Variants in UBN2 observed in about 807,000 individuals in gnomAD.
UBN2 encodes ubinuclein 2.
Under a neutral mutation model 120.2 loss-of-function variants are expected in UBN2, and 35 were observed. The ratio of observed to expected loss-of-function variants is 0.29; its 90% CI spans 0.22 to 0.39. The LOEUF (loss-of-function observed/expected upper bound fraction) is 0.39. Ranked by LOEUF, UBN2 falls within the 10% of genes least tolerant of loss-of-function variation. The pLI, the probability that UBN2 is intolerant of heterozygous loss-of-function variation, is 1.00. For missense variants in UBN2, 1,693 were observed against 1,663.2 expected (o/e 1.02, Z -0.31); for synonymous variants, 661 against 648.7 (o/e 1.02, Z -0.29).
At chr7:139,286,439 C>T (rs1797790159) in intron 15 of UBN2, among the ~76,000 whole-genome samples, 1 of 152,138 alleles carries the variant, frequency 6.6e-6, no homozygotes, top group Non-Finnish European at 1.5e-5. Flanking sequence ...TGTATTCTGA[C>T]ACTTTCTCAG....
At chr7:139,233,809 A>C (rs2130921480) in intron 1 of UBN2, among the ~76,000 whole-genome samples, 1 of 152,260 alleles carries the variant, frequency 6.6e-6, no homozygotes, top group East Asian at 1.9e-4. Flanking sequence ...TTGACACCCT[A>C]GCTTTGTTAA....
chr7:139,232,148 C>A (rs1479306270), intron 1 of UBN2, among the ~76,000 whole-genome samples, 196 bp downstream of exon 1: 1 of 151,978 alleles, frequency 6.6e-6, no homozygotes, highest in Non-Finnish European at 1.5e-5. Flanking sequence ...GGCCGAGGCT[C>A]TCACCCGGCT....
rs766880788 is a variant in UBN2 at position 139,297,739 on chromosome 7, T to A, written c.3995-48T>A. On this transcript the variant is annotated intron_variant, in intron 17 of 17. Coordinates refer to ENST00000473989, the MANE Select transcript of UBN2 (RefSeq NM_173569.4). The stretch of plus-strand genomic sequence containing the variant: ...TTTTTGCTTTGTTTTTGTTAGCTGG[T>A]TTTTGTAACATATGGACCCATACCA... 8 of 1,577,702 alleles carry A rather than the reference T, an allele frequency of 5.1e-6. No individual in the cohort carries two copies. The African/African-American group carries it at 1.1e-4, about 21-fold the overall frequency.
chr7:139,235,981 C>A (rs926254484), intron 1 of UBN2, among the ~76,000 whole-genome samples: 2 of 152,128 alleles, frequency 1.3e-5, no homozygotes, highest in Non-Finnish European at 2.9e-5. Flanking sequence ...CTTCAGGGTC[C>A]ATTGAATCTG....
chr7:139,248,942 T>C (rs571233892), intron 2 of UBN2, among the ~76,000 whole-genome samples: 1 of 152,286 alleles, frequency 6.6e-6, no homozygotes, highest in African/African-American at 2.4e-5. Flanking sequence ...CAATCTATTA[T>C]GTATTTTGCA....
Position 139,231,676 on chromosome 7 carries a change from G to T in UBN2, c.192G>T (p.Gln64His). 1 of 1,185,680 alleles carries T rather than the reference G, an allele frequency of 8.4e-7. No homozygotes were observed. Among genetic ancestry groups the T allele is most frequent in the Non-Finnish European group, 1.0e-6 (1 of 961,170 alleles). 73.4% of individuals were successfully genotyped at this position (1,185,680 alleles called of 1,614,324 possible). Residue 64 changes from glutamine (Q) to histidine (H), a missense_variant, in exon 1 of 18, where the codon CAG (glutamine) becomes CAT (histidine). Gln to His is a conservative substitution (Grantham distance 24). Transcript: ENST00000473989. ...AGCCTGCCCCCCGCTCGGACGCGCA[G>T]CCCCCGTCGCGGGAGAAGCCGCTCC... is the stretch of plus-strand genomic sequence containing the variant. ...PREPAPRSDA[Q>H]PPSREKPLPQ...
At chr7:139,310,814 T>C (rs1798437810), downstream of UBN2, among the ~76,000 whole-genome samples, 1 of 152,200 alleles carries the variant, frequency 6.6e-6, no homozygotes, top group Non-Finnish European at 1.5e-5. Flanking sequence ...GTATACACTG[T>C]ATCTAGCATT....
In UBN2 at chr7:139,283,939, A is replaced by G. The variant is rs1797693397; in HGVS notation, c.3034A>G (p.Asn1012Asp). The change falls in exon 15 of 18, where the codon AAC becomes GAC. Residue 1012 changes from asparagine to aspartate, a missense_variant. Around this residue, in one of 5 missense-constraint regions of UBN2, gnomAD observed 837 missense variants for 817.6 expected, o/e 1.02. Transcript: ENST00000473989. Reference sequence around the variant, plus strand: ...AGTACCTAGCACCACTACCTCCAGTAACTATTTAGCCAAGGCTATGGTGTC... The same window carrying G: ...AGTACCTAGCACCACTACCTCCAGTGACTATTTAGCCAAGGCTATGGTGTC... ...RTVPSTTTSSNYLAKAMVSQI... is the reference protein window; with the variant it reads ...RTVPSTTTSSDYLAKAMVSQI... 1.9e-6 allele frequency: 3 copies of G among 1,613,998 alleles called. No homozygotes were observed. The highest frequency in any genetic ancestry group is 2.5e-6 in the Non-Finnish European group (3 of 1,179,998).
chr7:139,324,969 CA>C, the UBN2 span, among the ~76,000 whole-genome samples: 14 of 139,352 alleles, frequency 1.0e-4, no homozygotes, highest in South Asian at 2.2e-4. Context: ...GACTCCATCT[CA>C]AAAAAAAAAA....
At chr7:139,260,868 A>G (rs1425911694) in intron 5 of UBN2, among the ~76,000 whole-genome samples, 2 of 152,206 alleles carry the variant, frequency 1.3e-5, no homozygotes, top group African/African-American at 4.8e-5. Context: ...TATACCAGGC[A>G]CTGATACAGG....
the UBN2 span, among the ~76,000 whole-genome samples, chr7:139,323,583 A>G: frequency 7.2e-6 from 1 of 138,466 alleles, no homozygotes; most frequent in Admixed American, 7.1e-5. Context: ...TATTATTATT[A>G]TTATTATTAT....
chr7:139,261,843 C>T, intron 6 of UBN2, 102 bp downstream of exon 6: 4 of 1,228,418 alleles, frequency 3.3e-6, no homozygotes, highest in Non-Finnish European at 4.4e-6. Flanking sequence ...GGTATAATTG[C>T]TTTTGTTTTT....
downstream of UBN2, among the ~76,000 whole-genome samples, chr7:139,309,813 G>C (rs1374269281): frequency 6.6e-6 from 1 of 152,216 alleles, no homozygotes; most frequent in Non-Finnish European, 1.5e-5. Context: ...GGAGGTTGCA[G>C]TGAGCCAAGA....
intron 15 of UBN2, among the ~76,000 whole-genome samples, chr7:139,289,610 C>T (rs1797892587): frequency 6.6e-6 from 1 of 151,964 alleles, no homozygotes; most frequent in Non-Finnish European, 1.5e-5. Flanking sequence ...CGGTGTTTCA[C>T]CATGTTGGCC....
chr7:139,292,515 T>A (rs1201776625), intron 15 of UBN2, among the ~76,000 whole-genome samples: 1 of 152,142 alleles, frequency 6.6e-6, no homozygotes, highest in African/African-American at 2.4e-5. Context: ...AAACCCGCTT[T>A]CAGGAGTTAG....
At position 139,270,297 on chromosome 7, in the gene UBN2, A is replaced by T. The variant is rs184399670; in HGVS notation, c.1596+774A>T. On this transcript the variant is annotated intron_variant, in intron 8 of 17. Coordinates refer to ENST00000473989, the MANE Select transcript of UBN2 (RefSeq NM_173569.4). Reference sequence around the variant, plus strand: ...TTTTTTTTTTTTTTTTTTGTGACAGAGTCTCGCTCAGCCCAGGCTGGAGTG... The same window carrying T: ...TTTTTTTTTTTTTTTTTTGTGACAGTGTCTCGCTCAGCCCAGGCTGGAGTG... Among the ~76,000 whole-genome samples, 132 of 143,168 alleles carry T rather than the reference A, an allele frequency of 9.2e-4. 1 individual carries two copies. Among genetic ancestry groups the T allele is most frequent in the Admixed American group, 1.7e-3 (24 of 14,270 alleles). The allele number at this position is 143,168 out of a possible 152,430, so 93.9% of individuals were successfully genotyped here.
rs112900760 is a variant in UBN2, at chr7:139,240,157, C to G, written c.561+3060C>G. On this transcript the variant is annotated intron_variant, in intron 2 of 17. Coordinates refer to ENST00000473989, the MANE Select transcript of UBN2 (RefSeq NM_173569.4). Reference sequence around the variant, plus strand: ...TCTTGTTATAGTCTAAATTAATGGGCTATATTTCTTCTCTGGATTTTTATT... The same window carrying G: ...TCTTGTTATAGTCTAAATTAATGGGGTATATTTCTTCTCTGGATTTTTATT... 8.6e-5 allele frequency among the ~76,000 whole-genome samples: 13 copies of G among 151,998 alleles called. 2 individuals are homozygous for G. Among genetic ancestry groups the G allele is most frequent in the African/African-American group, 3.1e-4 (13 of 41,482 alleles).
At chr7:139,275,962 C>T (rs1797430596) in intron 11 of UBN2, 135 bp from the exon 12 acceptor site, 1 of 695,944 alleles carries the variant, frequency 1.4e-6, no homozygotes, top group Admixed American at 2.7e-5. Flanking sequence ...ATTGAGTATA[C>T]TGTACCATTA....
At chr7:139,281,625 A>T (rs895860575) in intron 13 of UBN2, among the ~76,000 whole-genome samples, 11 of 152,228 alleles carry the variant, frequency 7.2e-5, no homozygotes, top group Non-Finnish European at 2.9e-5. Context: ...TTTCTCTGCC[A>T]GTATAAATCT....
Sources: allele counts gnomAD v4.1 joint callset (sites outside exome capture counted in the v4.1 genomes callset), GRCh38; gene constraint gnomAD v4.1.1; regional missense constraint gnomAD v4.1.1; transcripts MANE v1.5; gene names NCBI Gene and HGNC (gene_info 2026-07-23, HGNC 2026-07-21).